NRXN1: variants seen among roughly 807,000 people sequenced by gnomAD.
The protein encoded by NRXN1 is neurexin 1.
Under a neutral mutation model 150.9 loss-of-function variants are expected in NRXN1, and 39 were observed. That is an observed-to-expected ratio of 0.26 (90% CI 0.20 to 0.34). NRXN1 has a LOEUF of 0.34. Among genes scored for constraint, NRXN1 ranks in the 10% least tolerant of loss-of-function variants. The pLI, the probability that NRXN1 is intolerant of heterozygous loss-of-function variation, is 1.00. For synonymous variants in NRXN1, 924 were observed against 757.0 expected (o/e 1.22, Z -3.62); for missense variants, 1,815 against 1,949.9 (o/e 0.93, Z 1.30).
chr2:50,915,686 T>A (rs536417661), intron 5 of NRXN1, among the ~76,000 whole-genome samples: 1 of 151,366 alleles, frequency 6.6e-6, no homozygotes, highest in Non-Finnish European at 1.5e-5. Flanking sequence ...AAAGAAGATA[T>A]TAAGATAATG....
intron 21 of NRXN1, among the ~76,000 whole-genome samples, chr2:50,024,562 G>A (rs543693277): frequency 6.6e-6 from 1 of 152,042 alleles, no homozygotes; most frequent in African/African-American, 2.4e-5. Flanking sequence ...TAAAGTTTGA[G>A]TGCAGAGAAT....
chr2:50,840,459 T>C (rs1043614432), intron 5 of NRXN1, among the ~76,000 whole-genome samples: 2 of 152,154 alleles, frequency 1.3e-5, no homozygotes, highest in Non-Finnish European at 2.9e-5. Flanking sequence ...AACATCTTTA[T>C]AGAGGTCCAG....
At chr2:50,950,365 A>G (rs577281988) in intron 2 of NRXN1, among the ~76,000 whole-genome samples, 1 of 152,342 alleles carries the variant, frequency 6.6e-6, no homozygotes, top group African/African-American at 2.4e-5. Flanking sequence ...TCAATTTATC[A>G]GAATACCCAT....
intron 18 of NRXN1, among the ~76,000 whole-genome samples, chr2:50,150,413 A>AT (rs1449949572): frequency 6.6e-6 from 1 of 151,696 alleles, no homozygotes; most frequent in Non-Finnish European, 1.5e-5. Flanking sequence ...TGTATTGTCT[A>AT]TTTTTTTCTA....
intron 5 of NRXN1, among the ~76,000 whole-genome samples, chr2:50,749,622 T>C (rs1700369596): frequency 6.6e-6 from 1 of 152,074 alleles, no homozygotes; most frequent in African/African-American, 2.4e-5. Context: ...AAAGGAAGAA[T>C]ATGACACATT....
Position 50,692,338 on chromosome 2 carries a change from T to C in NRXN1, c.833-68723A>G, listed in dbSNP as rs940040656. Among the ~76,000 whole-genome samples, 6 of 152,244 alleles carry C rather than the reference T, an allele frequency of 3.9e-5. No individual in the cohort carries two copies. In the East Asian group the frequency reaches 1.2e-3, roughly 29 times the overall value. ...CTAGTGGTTTCTATTTTATTGTTAC[T>C]TTGTGATAACACACTAACATGCTAT... On this transcript the variant is annotated intron_variant, in intron 5 of 22. Transcript: ENST00000401669.
chr2:50,974,065 A>G (rs1044453910), intron 2 of NRXN1, among the ~76,000 whole-genome samples: 2 of 152,116 alleles, frequency 1.3e-5, no homozygotes, highest in Non-Finnish European at 2.9e-5. Context: ...AGTGCGTTCT[A>G]CTCTAAGTGA....
intron 17 of NRXN1, among the ~76,000 whole-genome samples, chr2:50,331,037 A>T (rs1179051277): frequency 6.6e-6 from 1 of 152,206 alleles, no homozygotes; most frequent in Non-Finnish European, 1.5e-5. Context: ...ATTATAACCC[A>T]ATAATAATGT....
At chr2:50,714,503 G>A (rs554942356) in intron 5 of NRXN1, among the ~76,000 whole-genome samples, 6 of 151,914 alleles carry the variant, frequency 3.9e-5, no homozygotes, top group East Asian at 3.9e-4. Context: ...GTTTCTTCCC[G>A]CCATCAATCA....
At chr2:50,638,644 A>G (rs374346970) in intron 5 of NRXN1, among the ~76,000 whole-genome samples, 25 of 152,220 alleles carry the variant, frequency 1.6e-4, no homozygotes, top group African/African-American at 4.3e-4. Context: ...ACAGGCTCCA[A>G]TTGCTTTTTT....
chr2:50,777,181 T>A (rs1394432034), intron 5 of NRXN1, among the ~76,000 whole-genome samples: 3 of 152,110 alleles, frequency 2.0e-5, no homozygotes, highest in Non-Finnish European at 4.4e-5. Flanking sequence ...TCTTACTAGA[T>A]TTTATATATT....
intron 17 of NRXN1, among the ~76,000 whole-genome samples, chr2:50,402,561 C>T (rs546654039): frequency 6.6e-6 from 1 of 152,088 alleles, no homozygotes; most frequent in East Asian, 1.9e-4. Context: ...TGGTCGATTA[C>T]GGAAGTAGTA....
chr2:50,475,335 G>T (rs28537655), intron 15 of NRXN1, among the ~76,000 whole-genome samples: 1 of 151,936 alleles, frequency 6.6e-6, no homozygotes, highest in Non-Finnish European at 1.5e-5. Context: ...CTCTAAGCAC[G>T]GTTGGCCCTC....
intron 21 of NRXN1, among the ~76,000 whole-genome samples, chr2:49,967,669 G>A (rs1156794350): frequency 1.3e-5 from 2 of 152,076 alleles, no homozygotes; most frequent in African/African-American, 4.8e-5. Context: ...TTTAGGGATT[G>A]CTAGGTAGAG....
chr2:50,849,856 C>T (rs1280163416), intron 5 of NRXN1, among the ~76,000 whole-genome samples: 1 of 152,078 alleles, frequency 6.6e-6, no homozygotes, highest in Non-Finnish European at 1.5e-5. Context: ...TTCTACCTTC[C>T]CCAGTACACA....
At chr2:50,074,290 A>G (rs1417716841) in intron 19 of NRXN1, among the ~76,000 whole-genome samples, 2 of 152,150 alleles carry the variant, frequency 1.3e-5, no homozygotes, top group African/African-American at 4.8e-5. Context: ...TTTAGTAGCC[A>G]TAGAAGGAAG....
At chr2:50,492,513 C>A (rs1354952135) in intron 15 of NRXN1, among the ~76,000 whole-genome samples, 1 of 152,148 alleles carries the variant, frequency 6.6e-6, no homozygotes, top group East Asian at 1.9e-4. Flanking sequence ...AACAGAGCCA[C>A]GGACAAAAGA....
In NRXN1 at chr2:49,995,324, A is replaced by G. The variant is rs975731490; in HGVS notation, c.4129-51533T>C. Among the ~76,000 whole-genome samples the G allele has an allele frequency of 2.0e-5, 3 of 152,236 alleles. No homozygotes were observed. The East Asian group carries it at 5.8e-4, about 29-fold the overall frequency. On this transcript the variant is annotated intron_variant, in intron 21 of 22. Coordinates refer to ENST00000401669, the MANE Select transcript of NRXN1 (RefSeq NM_001330078.2). ...TTAAAAACTGAATTTCTACATTTTA[A>G]TAACATTGTCATGTGTAATTATAGG...
chr2:50,225,527 G>A (rs947348941), intron 18 of NRXN1, among the ~76,000 whole-genome samples: 1 of 151,900 alleles, frequency 6.6e-6, no homozygotes, highest in African/African-American at 2.4e-5. Context: ...ATTGTACCAA[G>A]AAGGGCATAA....
Sources: gnomAD v4.1 joint callset for allele counts (sites outside exome capture counted in the v4.1 genomes callset) on GRCh38, gnomAD v4.1.1 for gene constraint, MANE v1.5 for transcripts, NCBI Gene and HGNC (gene_info 2026-07-23, HGNC 2026-07-21) for gene names.